Variants in NXPE4 observed in about 807,000 individuals in gnomAD.
NXPE4 encodes NXPE family member 4.
A neutral mutation model predicts 33.3 loss-of-function variants in NXPE4; 42 were observed. That is an observed-to-expected ratio of 1.26 (90% CI 0.98 to 1.63). The LOEUF (loss-of-function observed/expected upper bound fraction) is 1.63. Among genes scored for constraint, NXPE4 ranks in the 40% most tolerant of loss-of-function variants. The pLI is 0.00. For missense variants in NXPE4, 709 were observed against 647.6 expected, an observed-to-expected ratio of 1.09 and a Z score of -1.03; for synonymous variants, 253 against 234.9, an observed-to-expected ratio of 1.08 and a Z score of -0.71.
the NXPE4 span, among the ~76,000 whole-genome samples, chr11:114,662,170 AC>A: frequency 5.3e-5 from 8 of 152,042 alleles, no homozygotes; most frequent in Admixed American, 2.0e-4. Flanking sequence ...TGCCAACACA[AC>A]CCCACCATCA....
the NXPE4 span, among the ~76,000 whole-genome samples, chr11:114,651,756 A>G: frequency 2.0e-5 from 3 of 152,132 alleles, no homozygotes; most frequent in Admixed American, 6.5e-5. Context: ...GTGTGTTTTT[A>G]CAGAGTGCTG....
chr11:114,670,652 A>C, the NXPE4 span, among the ~76,000 whole-genome samples: 2 of 152,014 alleles, frequency 1.3e-5, no homozygotes, highest in Admixed American at 6.6e-5. Flanking sequence ...TGACTGTACC[A>C]CTGCACTCTA....
At chr11:114,638,744 G>T in the NXPE4 span, among the ~76,000 whole-genome samples, 2 of 152,038 alleles carry the variant, frequency 1.3e-5, no homozygotes, top group Admixed American at 6.6e-5. Flanking sequence ...GACCCTGTTT[G>T]CCTGGGTAAC....
chr11:114,598,534 C>T (rs2135315816), upstream of NXPE4, among the ~76,000 whole-genome samples: 1 of 152,372 alleles, frequency 6.6e-6, no homozygotes, highest in South Asian at 2.1e-4. Context: ...CATACATCCT[C>T]TGAAATCTAA....
At chr11:114,598,744 C>T (rs559536576), upstream of NXPE4, among the ~76,000 whole-genome samples, 53 of 152,212 alleles carry the variant, frequency 3.5e-4, no homozygotes, top group African/African-American at 7.7e-4. Flanking sequence ...GACAGGGCCC[C>T]GGGCCTGGCT....
chr11:114,607,785 C>T, the NXPE4 span, among the ~76,000 whole-genome samples: 83 of 151,454 alleles, frequency 5.5e-4, no homozygotes, highest in East Asian at 0.012. Context: ...CACTGTTACA[C>T]GGTGGAGAAT....
the NXPE4 span, among the ~76,000 whole-genome samples, chr11:114,653,178 A>AAGGGT: frequency 6.6e-6 from 1 of 152,246 alleles, no homozygotes; most frequent in Non-Finnish European, 1.5e-5. Context: ...TATCTGGAGA[A>AAGGGT]AGGGTTTTTA....
chr11:114,651,726 TAC>T, the NXPE4 span, among the ~76,000 whole-genome samples: 23 of 152,264 alleles, frequency 1.5e-4, no homozygotes, highest in African/African-American at 5.5e-4. Flanking sequence ...AACCTTTAGT[TAC>T]ACACAGAGCG....
the NXPE4 span, among the ~76,000 whole-genome samples, chr11:114,628,359 A>G: frequency 6.6e-6 from 1 of 152,334 alleles, no homozygotes; most frequent in Non-Finnish European, 1.5e-5. Flanking sequence ...ACTCAGGATT[A>G]AGAATCTCAC....
the NXPE4 span, among the ~76,000 whole-genome samples, chr11:114,618,489 T>C: frequency 2.6e-5 from 4 of 152,070 alleles, no homozygotes; most frequent in African/African-American, 9.6e-5. Context: ...ATAATAAGTG[T>C]TGCCTCGTAG....
chr11:114,584,966 C>G (rs1949256796), intron 2 of NXPE4, among the ~76,000 whole-genome samples: 1 of 152,004 alleles, frequency 6.6e-6, no homozygotes, highest in African/African-American at 2.4e-5. Flanking sequence ...TACTTTTGTG[C>G]AAACAGAAGA....
chr11:114,632,424 A>G, the NXPE4 span, among the ~76,000 whole-genome samples: 1 of 131,738 alleles, frequency 7.6e-6, no homozygotes, highest in African/African-American at 2.7e-5. Context: ...TATATAATAT[A>G]AATATAAATA....
At chr11:114,651,377 T>G in the NXPE4 span, among the ~76,000 whole-genome samples, 3 of 152,104 alleles carry the variant, frequency 2.0e-5, no homozygotes, top group Non-Finnish European at 4.4e-5. Context: ...GGTGGGTTCG[T>G]GGTCTCGTGG....
At chr11:114,632,608 T>C in the NXPE4 span, among the ~76,000 whole-genome samples, 1 of 103,710 alleles carries the variant, frequency 9.6e-6, no homozygotes, top group South Asian at 2.5e-4. Flanking sequence ...TATATATTTA[T>C]ATTTTATATA....
chr11:114,613,124 GATA>G, the NXPE4 span, among the ~76,000 whole-genome samples: 1 of 151,510 alleles, frequency 6.6e-6, no homozygotes, highest in South Asian at 2.1e-4. Flanking sequence ...TAACCAGGTG[GATA>G]ATAAGTACTG....
chr11:114,575,067 T>C (rs898132461), intron 5 of NXPE4, among the ~76,000 whole-genome samples: 4 of 151,996 alleles, frequency 2.6e-5, no homozygotes, highest in Admixed American at 6.6e-5. Flanking sequence ...TGATACACCA[T>C]ATAAATAGAA....
chr11:114,668,671 T>A, the NXPE4 span, among the ~76,000 whole-genome samples: 3 of 151,874 alleles, frequency 2.0e-5, no homozygotes, highest in African/African-American at 7.3e-5. Flanking sequence ...TAAATGGGAG[T>A]GGGCAGAGAC....
the NXPE4 span, among the ~76,000 whole-genome samples, chr11:114,646,820 C>G: frequency 2.6e-5 from 4 of 152,088 alleles, no homozygotes; most frequent in Admixed American, 2.6e-4. Flanking sequence ...ACTATGGTTA[C>G]AAAGCAGGAC....
chr11:114,604,220 A>G, the NXPE4 span, among the ~76,000 whole-genome samples: 1 of 152,002 alleles, frequency 6.6e-6, no homozygotes, highest in East Asian at 1.9e-4. Flanking sequence ...GTGGGTAACC[A>G]CTGTTACCCG....
Sources: allele counts gnomAD v4.1 joint callset (sites outside exome capture counted in the v4.1 genomes callset), GRCh38; gene constraint gnomAD v4.1.1; transcripts MANE v1.5; gene names NCBI Gene and HGNC (gene_info 2026-07-23, HGNC 2026-07-21).